PTPRT: variants seen among roughly 807,000 people sequenced by gnomAD.
The protein encoded by PTPRT is receptor-type tyrosine-protein phosphatase T.
Under a neutral mutation model 176.8 loss-of-function variants are expected in PTPRT, and 56 were observed. The ratio of observed to expected loss-of-function variants is 0.32; its 90% confidence interval spans 0.26 to 0.40. PTPRT has a LOEUF of 0.40. Ranked by LOEUF, PTPRT falls within the 10% of genes least tolerant of loss-of-function variation. The pLI, the probability that PTPRT is intolerant of heterozygous loss-of-function variation, is 1.00. For synonymous variants in PTPRT, 783 were observed against 739.0 expected (o/e 1.06, Z -0.96); for missense variants, 1,540 against 1,908.2 (o/e 0.81, Z 3.60).
At chr20:42,315,649 C>T (rs1166886247) in intron 12 of PTPRT, 74 bp downstream of exon 12, 2 of 1,526,740 alleles carry the variant, frequency 1.3e-6, no homozygotes, top group Middle Eastern at 2.3e-4. Context: ...TGCTCTAGAG[C>T]CCTGCTGACT....
chr20:42,960,399 C>T (rs1205817920), intron 1 of PTPRT, among the ~76,000 whole-genome samples: 1 of 152,084 alleles, frequency 6.6e-6, no homozygotes, highest in Non-Finnish European at 1.5e-5. Flanking sequence ...CAAGCTCCCT[C>T]TAGCCCTTTT....
At chr20:42,932,400 C>A (rs2145974871) in intron 1 of PTPRT, among the ~76,000 whole-genome samples, 1 of 152,302 alleles carries the variant, frequency 6.6e-6, no homozygotes, top group African/African-American at 2.4e-5. Context: ...GTGGCCGGTG[C>A]TTATCAAGGA....
chr20:43,080,351 A>G (rs765108764), intron 1 of PTPRT, among the ~76,000 whole-genome samples: 3 of 152,224 alleles, frequency 2.0e-5, no homozygotes, highest in Admixed American at 6.5e-5. Context: ...AACATGCAAC[A>G]TGTACAGGAA....
intron 7 of PTPRT, among the ~76,000 whole-genome samples, chr20:42,507,373 C>T (rs2071865574): frequency 6.6e-6 from 1 of 152,038 alleles, no homozygotes; most frequent in Non-Finnish European, 1.5e-5. Context: ...GGAGATGAGA[C>T]ATATGTCACT....
intron 16 of PTPRT, among the ~76,000 whole-genome samples, chr20:42,179,708 G>A (rs1383289984): frequency 6.6e-6 from 1 of 152,222 alleles, no homozygotes; most frequent in Non-Finnish European, 1.5e-5. Context: ...AACAATGACA[G>A]AAGTGACTGT....
chr20:42,159,456 C>T (rs148658170), intron 17 of PTPRT, among the ~76,000 whole-genome samples: 1 of 150,596 alleles, frequency 6.6e-6, no homozygotes, highest in Non-Finnish European at 1.5e-5. Flanking sequence ...TTTTAGGGTA[C>T]CAAATAACAT....
At chr20:43,086,581 A>T (rs1471940619) in intron 1 of PTPRT, among the ~76,000 whole-genome samples, 3 of 152,214 alleles carry the variant, frequency 2.0e-5, no homozygotes, top group Non-Finnish European at 4.4e-5. Context: ...CAAGCCACCA[A>T]GCGTGAATTA....
In PTPRT at chr20:42,728,174, C is replaced by A. The variant is rs558480949; in HGVS notation, c.859+28288G>T. Among the ~76,000 whole-genome samples the A allele has an allele frequency of 6.6e-5, 10 of 152,306 alleles. No homozygotes were observed. The Middle Eastern group carries it at 0.02, about 311-fold the overall frequency. On this transcript the variant is annotated intron_variant, in intron 6 of 30. Coordinates refer to ENST00000373187, the MANE Select transcript of PTPRT (RefSeq NM_007050.6). ...GTATTTGGGCAGATTCTGTGCCACA[C>A]AACTGTCATACCTTATCTCTAAGCC...
chr20:42,968,465 G>T (rs931205520), intron 1 of PTPRT, among the ~76,000 whole-genome samples: 1 of 152,148 alleles, frequency 6.6e-6, no homozygotes, highest in Non-Finnish European at 1.5e-5. Context: ...AACTGGCAAA[G>T]TTCCAAATGA....
intron 7 of PTPRT, among the ~76,000 whole-genome samples, chr20:42,595,858 G>T (rs1262813814): frequency 6.6e-6 from 1 of 152,148 alleles, no homozygotes; most frequent in Non-Finnish European, 1.5e-5. Context: ...AGACAAGGCT[G>T]CCCAGGCTGT....
intron 13 of PTPRT, among the ~76,000 whole-genome samples, chr20:42,256,791 T>A (rs1261894643): frequency 1.3e-5 from 2 of 152,074 alleles, no homozygotes; most frequent in Non-Finnish European, 2.9e-5. Flanking sequence ...AGGAAGCCAC[T>A]ACCCAGCCCA....
At chr20:43,163,435 A>G (rs1409288425) in intron 1 of PTPRT, among the ~76,000 whole-genome samples, 2 of 152,112 alleles carry the variant, frequency 1.3e-5, no homozygotes, top group African/African-American at 4.8e-5. Context: ...TCACGAGATC[A>G]AGACCATCCT....
At chr20:42,562,934 C>G (rs188618955) in intron 7 of PTPRT, among the ~76,000 whole-genome samples, 1 of 152,056 alleles carries the variant, frequency 6.6e-6, no homozygotes, top group East Asian at 1.9e-4. Flanking sequence ...ATTAAAAACT[C>G]GAAGGCAAAA....
intron 11 of PTPRT, among the ~76,000 whole-genome samples, chr20:42,321,586 T>C (rs1367523184): frequency 6.6e-6 from 1 of 152,206 alleles, no homozygotes; most frequent in Non-Finnish European, 1.5e-5. Flanking sequence ...TTCTGAGTCG[T>C]TGTACACCAC....
chr20:42,269,977 T>C (rs2056902876), intron 13 of PTPRT, among the ~76,000 whole-genome samples: 1 of 152,114 alleles, frequency 6.6e-6, no homozygotes, highest in Non-Finnish European at 1.5e-5. Flanking sequence ...TGGCTGCACA[T>C]GGGTTTGTTT....
chr20:42,326,072 C>T (rs1030954743), intron 11 of PTPRT, among the ~76,000 whole-genome samples: 3 of 152,176 alleles, frequency 2.0e-5, no homozygotes, highest in African/African-American at 7.2e-5. Context: ...TACACTTTCC[C>T]TCTTAATTTT....
chr20:42,369,663 A>G (rs549317498), intron 9 of PTPRT, among the ~76,000 whole-genome samples: 1 of 152,270 alleles, frequency 6.6e-6, no homozygotes, highest in South Asian at 2.1e-4. Flanking sequence ...CAGGGGAGAA[A>G]ATCAACACCC....
chr20:42,072,939 A>G lies in PTPRT; in HGVS notation c.*7940T>C. On this transcript the variant is annotated 3_prime_UTR_variant, in exon 31 of 31. Coordinates refer to ENST00000373187, the MANE Select transcript of PTPRT (RefSeq NM_007050.6). ...ATCTGATATTCATTGACCTGACATT[A>G]TTTACCTTCTGCTTTTCTGAGCTAG... The G allele has an allele frequency of 4.5e-6, 1 of 223,616 alleles. No individual in the cohort carries two copies. The highest frequency in any genetic ancestry group is 8.9e-6 in the Non-Finnish European group (1 of 111,758). 13.9% of individuals were successfully genotyped at this position (223,616 alleles called of 1,614,324 possible).
chr20:42,397,504 A>G (rs2058863350), intron 9 of PTPRT, among the ~76,000 whole-genome samples: 4 of 152,056 alleles, frequency 2.6e-5, no homozygotes, highest in Admixed American at 2.6e-4. Context: ...TCCCATCTTT[A>G]TGTCCATGTG....
Sources: allele counts gnomAD v4.1 joint callset (sites outside exome capture counted in the v4.1 genomes callset), GRCh38; gene constraint gnomAD v4.1.1; transcripts MANE v1.5; gene names NCBI Gene and HGNC (gene_info 2026-07-23, HGNC 2026-07-21).